Variants in PCDH15 observed in about 807,000 individuals in gnomAD.
PCDH15 encodes protocadherin-15.
Under a neutral mutation model 178.5 loss-of-function variants are expected in PCDH15, and 129 were observed. The observed-to-expected ratio is 0.72, with a 90% CI of 0.63 to 0.84. The LOEUF (loss-of-function observed/expected upper bound fraction) is 0.84. Ranked by LOEUF, PCDH15 falls within the 40% of genes least tolerant of loss-of-function variation. PCDH15 has a pLI of 0.00. For missense variants in PCDH15, 2,230 were observed against 2,099.9 expected (o/e 1.06, Z -1.21); for synonymous variants, 800 against 732.0 (o/e 1.09, Z -1.50).
chr10:54,282,024 G>A (rs1435831759), intron 8 of PCDH15, among the ~76,000 whole-genome samples: 1 of 152,096 alleles, frequency 6.6e-6, no homozygotes, highest in Non-Finnish European at 1.5e-5. Flanking sequence ...AGACATAACA[G>A]TTGACTTTGT....
intron 21 of PCDH15, among the ~76,000 whole-genome samples, chr10:53,988,755 T>C (rs1208755617): frequency 6.6e-6 from 1 of 151,884 alleles, no homozygotes; most frequent in Non-Finnish European, 1.5e-5. Context: ...TATATTTCAC[T>C]CAATTTTCTT....
intron 3 of PCDH15, among the ~76,000 whole-genome samples, chr10:54,811,037 G>C (rs1486344569): frequency 1.3e-5 from 2 of 152,030 alleles, no homozygotes; most frequent in Non-Finnish European, 2.9e-5. Flanking sequence ...TGCATCTATA[G>C]TCGTAAGTTT....
At chr10:54,033,224 T>C (rs1451040443) in intron 18 of PCDH15, among the ~76,000 whole-genome samples, 1 of 152,008 alleles carries the variant, frequency 6.6e-6, no homozygotes, top group Non-Finnish European at 1.5e-5. Flanking sequence ...CTTTTAACAG[T>C]CTATTCTAGC....
intron 3 of PCDH15, among the ~76,000 whole-genome samples, chr10:54,837,402 T>C (rs1355081738): frequency 6.6e-6 from 1 of 151,958 alleles, no homozygotes; most frequent in Admixed American, 6.6e-5. Context: ...CTAGGATGAA[T>C]AATAAACTCA....
At chr10:54,485,561 C>A (rs1203716555) in intron 3 of PCDH15, among the ~76,000 whole-genome samples, 2 of 151,938 alleles carry the variant, frequency 1.3e-5, no homozygotes, top group Non-Finnish European at 2.9e-5. Context: ...AAACAACAGG[C>A]TACTATTTTT....
At chr10:54,522,984 C>T (rs2083029128) in intron 3 of PCDH15, among the ~76,000 whole-genome samples, 1 of 152,056 alleles carries the variant, frequency 6.6e-6, no homozygotes, top group South Asian at 2.1e-4. Context: ...TCAACCACAC[C>T]CAGGTCTGAC....
At chr10:54,051,891 C>G (rs1417980511) in intron 18 of PCDH15, among the ~76,000 whole-genome samples, 1 of 152,034 alleles carries the variant, frequency 6.6e-6, no homozygotes, top group African/African-American at 2.4e-5. Context: ...CCATGTTCTG[C>G]CTGCTTCAGC....
intron 2 of PCDH15, among the ~76,000 whole-genome samples, chr10:55,402,328 A>G (rs909203274): frequency 6.6e-6 from 1 of 152,038 alleles, no homozygotes; most frequent in Middle Eastern, 3.2e-3. Context: ...AGTATTTACA[A>G]TATTCATCAC....
intron 2 of PCDH15, among the ~76,000 whole-genome samples, chr10:54,576,018 G>A (rs1026730065): frequency 6.8e-6 from 1 of 147,996 alleles, no homozygotes; most frequent in Non-Finnish European, 1.5e-5. Flanking sequence ...TTGTAAGTTA[G>A]ATACATATCT....
chr10:54,192,136 AAG>A (rs1297302772), intron 11 of PCDH15, among the ~76,000 whole-genome samples: 282 of 129,226 alleles, frequency 2.2e-3, no homozygotes, highest in African/African-American at 7.0e-3. Flanking sequence ...AAGAAAGAGA[AAG>A]AGAAAGAAAG....
rs1406889196 is a variant in PCDH15, at chr10:53,945,810, A to G, written c.3123-4835T>C. ...TGTCCCAAATAAAAGAATTCCCTTC[A>G]TTTTTAAGGCTGAGTAATATTTCAT... On this transcript the variant is annotated intron_variant, in intron 23 of 37. Transcript: ENST00000644397. Among the ~76,000 whole-genome samples the G allele has an allele frequency of 3.5e-5, 5 of 143,492 alleles. No individual in the cohort carries two copies. In the East Asian group the frequency reaches 9.9e-4, roughly 29 times the overall value. 94.1% of individuals were successfully genotyped at this position (143,492 alleles called of 152,430 possible). A position where few individuals can be genotyped will look rare whatever the true frequency, so the allele number is the denominator to read the frequency against.
At chr10:54,172,974 G>T (rs1454146910) in intron 13 of PCDH15, among the ~76,000 whole-genome samples, 1 of 152,090 alleles carries the variant, frequency 6.6e-6, no homozygotes, top group Non-Finnish European at 1.5e-5. Context: ...AAGGAAAGGG[G>T]ATAACGTCTG....
chr10:55,398,077 T>C (rs1424338959), intron 2 of PCDH15, among the ~76,000 whole-genome samples: 1 of 152,012 alleles, frequency 6.6e-6, no homozygotes, highest in Non-Finnish European at 1.5e-5. Flanking sequence ...TATGATATAG[T>C]AAATATACTG....
Position 54,227,126 on chromosome 10 carries a change from G to A in PCDH15, c.985+9697C>T, listed in dbSNP as rs183802296. 1.3e-4 allele frequency among the ~76,000 whole-genome samples: 20 copies of A among 152,310 alleles called. No individual in the cohort carries two copies. In the East Asian group the frequency reaches 3.7e-3, roughly 28 times the overall value. ...GGCCCTCTTCTCACAGCTCCACTAG[G>A]TGGTGCCCCAGTAGGGACTCAGTGT... On this transcript the variant is annotated intron_variant, in intron 9 of 37. Transcript: ENST00000644397.
chr10:55,568,407 A>C (rs1199444039), intron 2 of PCDH15, among the ~76,000 whole-genome samples: 3 of 151,962 alleles, frequency 2.0e-5, no homozygotes, highest in Non-Finnish European at 4.4e-5. Flanking sequence ...GTGCTAATGG[A>C]GGGAAAATTT....
At chr10:54,671,404 G>T (rs931579851) in intron 1 of PCDH15, among the ~76,000 whole-genome samples, 1 of 152,088 alleles carries the variant, frequency 6.6e-6, no homozygotes, top group African/African-American at 2.4e-5. Context: ...GAGACTAAAC[G>T]TAAAAGTATG....
intron 15 of PCDH15, among the ~76,000 whole-genome samples, chr10:54,109,453 T>G (rs2094974748): frequency 6.6e-6 from 1 of 152,216 alleles, no homozygotes; most frequent in Non-Finnish European, 1.5e-5. Flanking sequence ...TCTGTCATGG[T>G]AAATTGTGTA....
chr10:54,444,534 C>G (rs76903245), intron 3 of PCDH15, among the ~76,000 whole-genome samples: 1,718 of 151,826 alleles, frequency 0.011, 38 homozygotes, highest in African/African-American at 0.039. Flanking sequence ...TTGCATCGCA[C>G]TGTACACATT....
Position 55,595,440 on chromosome 10 carries a change from A to G in PCDH15, c.-156+32185T>C, listed in dbSNP as rs1842918651. On this transcript the variant is annotated intron_variant, in intron 2 of 5. Coordinates refer to the PCDH15 transcript ENST00000613346. ...CAGTGGTTCTCAAATTCAGCTGCAC[A>G]TTAATAGAAACTGGAAAACTGTTTA... Among the ~76,000 whole-genome samples the G allele has an allele frequency of 2.0e-5, 3 of 152,206 alleles. 1 individual carries two copies. In the South Asian group the frequency reaches 6.2e-4, roughly 32 times the overall value.
Sources: allele counts gnomAD v4.1 joint callset (sites outside exome capture counted in the v4.1 genomes callset), GRCh38; gene constraint gnomAD v4.1.1; transcripts MANE v1.5; gene names NCBI Gene and HGNC (gene_info 2026-07-23, HGNC 2026-07-21).